VPS54: variants seen among roughly 807,000 people sequenced by gnomAD.
VPS54 encodes the protein VPS54 subunit of GARP complex.
Under a neutral mutation model 121.5 loss-of-function variants are expected in VPS54, and 45 were observed. That is an observed-to-expected ratio of 0.37 (90% CI 0.29 to 0.47). The LOEUF (loss-of-function observed/expected upper bound fraction) is 0.47, where lower values mean the gene tolerates loss of function less well. VPS54 is among the 20% of genes least tolerant of loss of function. The pLI, the probability that VPS54 is intolerant of heterozygous loss-of-function variation, is 0.99. For missense variants in VPS54, 1,090 were observed against 1,131.4 expected (o/e 0.96, Z 0.52); for synonymous variants, 371 against 385.8 (o/e 0.96, Z 0.45).
chr2:64,018,802 G>C (rs949142034), intron 1 of VPS54, 136 bp downstream of exon 1: 1 of 151,178 alleles, frequency 6.6e-6, no homozygotes, highest in Non-Finnish European at 1.5e-5. Flanking sequence ...CTTCAGTGCC[G>C]GTCAGCTGTG....
intron 12 of VPS54, among the ~76,000 whole-genome samples, chr2:63,931,895 A>G (rs908676133): frequency 2.0e-5 from 3 of 152,254 alleles, no homozygotes; most frequent in Admixed American, 1.3e-4. Flanking sequence ...GCCAAAAGAC[A>G]TATGAAAAAA....
rs1219723875 is a variant in VPS54 at position 64,017,022 on chromosome 2, A to T, written c.-21+1916T>A. 3.9e-3 allele frequency among the ~76,000 whole-genome samples: 360 copies of T among 92,564 alleles called. 2 individuals are homozygous for T. Among genetic ancestry groups the T allele is most frequent in the African/African-American group, 0.027 (352 of 13,198 alleles). The allele number at this position is 92,564 out of a possible 152,430, so 60.7% of individuals were successfully genotyped here. A position where few individuals can be genotyped will look rare whatever the true frequency, so the allele number is the denominator to read the frequency against. ...GAATTGTAATTAACTTTTGTTGATT[A>T]AAAAAAAAAAAAAAAAAAAAAAGAG... On this transcript the variant is annotated intron_variant, in intron 1 of 22. Coordinates refer to ENST00000272322, the MANE Select transcript of VPS54 (RefSeq NM_016516.3).
intron 20 of VPS54, 96 bp from the exon 21 acceptor site, chr2:63,899,677 T>A: frequency 1.0e-6 from 1 of 966,190 alleles, no homozygotes; most frequent in South Asian, 1.5e-5. Flanking sequence ...TCCCTCCACA[T>A]ATCCAATTCT....
At chr2:64,013,632 A>T (rs1559059929) in intron 1 of VPS54, among the ~76,000 whole-genome samples, 1 of 146,874 alleles carries the variant, frequency 6.8e-6, no homozygotes, top group Non-Finnish European at 1.5e-5. Context: ...ATTTATATAT[A>T]AATATATATC....
intron 7 of VPS54, among the ~76,000 whole-genome samples, chr2:63,961,337 A>C (rs558928489): frequency 6.6e-6 from 1 of 152,318 alleles, no homozygotes; most frequent in East Asian, 1.9e-4. Flanking sequence ...AATTAAAATA[A>C]ATGTATTTTG....
At chr2:63,938,879 T>C (rs1232836422) in intron 11 of VPS54, among the ~76,000 whole-genome samples, 2 of 152,188 alleles carry the variant, frequency 1.3e-5, no homozygotes, top group Non-Finnish European at 2.9e-5. Flanking sequence ...TGCCACTGAA[T>C]TGTGCACTTA....
chr2:63,932,320 T>C (rs1322739143), intron 12 of VPS54, among the ~76,000 whole-genome samples: 1 of 152,190 alleles, frequency 6.6e-6, no homozygotes, highest in African/African-American at 2.4e-5. Flanking sequence ...TGGAATACTA[T>C]GCAGCCATAA....
intron 14 of VPS54, 129 bp from the exon 15 acceptor site, chr2:63,920,124 C>T: frequency 1.5e-6 from 1 of 668,260 alleles, no homozygotes; most frequent in Non-Finnish European, 2.4e-6. Context: ...CTTTAATAAG[C>T]AGGACCAATA....
chr2:63,917,569 C>A (rs547394764), intron 15 of VPS54, among the ~76,000 whole-genome samples: 1 of 151,970 alleles, frequency 6.6e-6, no homozygotes, highest in African/African-American at 2.4e-5. Context: ...ATCCTGGACA[C>A]GCCAAATTGA....
chr2:63,977,402 G>T (rs1298395824), intron 3 of VPS54, among the ~76,000 whole-genome samples: 2 of 152,126 alleles, frequency 1.3e-5, no homozygotes, highest in African/African-American at 4.8e-5. Context: ...AGACTTCCTT[G>T]AAGCCTTACT....
At chr2:63,993,355 G>A (rs1677420899) in intron 1 of VPS54, among the ~76,000 whole-genome samples, 1 of 152,168 alleles carries the variant, frequency 6.6e-6, no homozygotes, top group Non-Finnish European at 1.5e-5. Flanking sequence ...GACCCCTGAG[G>A]CTTCACTAGA....
At chr2:63,961,898 ATAC>A (rs1224094679) in intron 7 of VPS54, among the ~76,000 whole-genome samples, 157 bp downstream of exon 7, 17 of 152,168 alleles carry the variant, frequency 1.1e-4, no homozygotes, top group African/African-American at 4.1e-4. Flanking sequence ...TGTTTTGCTA[ATAC>A]TACAATATCA....
intron 21 of VPS54, among the ~76,000 whole-genome samples, chr2:63,898,299 G>GTCAGAGGTGGAGGATCTT (rs1198058427): frequency 3.3e-5 from 5 of 152,174 alleles, no homozygotes; most frequent in Non-Finnish European, 2.9e-5. Flanking sequence ...AGGTTAGAAT[G>GTCAGAGGTGGAGGATCTT]TCAGAGGTGG....
chr2:64,005,169 TCTCGG>T, intron 1 of VPS54, among the ~76,000 whole-genome samples: 1 of 124,428 alleles, frequency 8.0e-6, no homozygotes, highest in Non-Finnish European at 1.6e-5. Flanking sequence ...AGTGGCACAA[TCTCGG>T]CTCACTGCAA....
chr2:64,008,413 CAAAAA>C (rs35629837), intron 1 of VPS54, among the ~76,000 whole-genome samples: 1 of 135,692 alleles, frequency 7.4e-6, no homozygotes. Flanking sequence ...GACTCCGTCT[CAAAAA>C]AAAAAAAAAG....
At chr2:63,947,128 T>C (rs1675015963) in intron 9 of VPS54, among the ~76,000 whole-genome samples, 1 of 151,974 alleles carries the variant, frequency 6.6e-6, no homozygotes, top group Non-Finnish European at 1.5e-5. Flanking sequence ...CTTATGATTG[T>C]AACTGAAATA....
chr2:63,950,854 A>G (rs1675209679), intron 7 of VPS54, among the ~76,000 whole-genome samples: 1 of 151,878 alleles, frequency 6.6e-6, no homozygotes, highest in Non-Finnish European at 1.5e-5. Flanking sequence ...TTTCTCCTCC[A>G]TTATTTTCTA....
chr2:63,969,467 C>A (rs544930589), intron 4 of VPS54, among the ~76,000 whole-genome samples: 1 of 152,226 alleles, frequency 6.6e-6, no homozygotes, highest in South Asian at 2.1e-4. Flanking sequence ...CTAATGTGAA[C>A]TGCACATGTC....
chr2:63,900,051 G>A (rs1041779470), intron 20 of VPS54, among the ~76,000 whole-genome samples: 16 of 151,922 alleles, frequency 1.1e-4, no homozygotes, highest in African/African-American at 2.7e-4. Flanking sequence ...AACAGATTAC[G>A]TTTTAAACAA....
Sources: gnomAD v4.1 joint callset for allele counts (sites outside exome capture counted in the v4.1 genomes callset) on GRCh38, gnomAD v4.1.1 for gene constraint, MANE v1.5 for transcripts, NCBI Gene and HGNC (gene_info 2026-07-23, HGNC 2026-07-21) for gene names.